The following PLPPR1 variants were observed in gnomAD, a reference collection of about 807,000 sequenced individuals.
PLPPR1 encodes the protein phospholipid phosphatase-related protein type 1.
In PLPPR1, 10 loss-of-function variants were observed where a neutral mutation model predicts 33.1. The observed-to-expected ratio is 0.30, with a 90% CI of 0.19 to 0.51. The LOEUF (loss-of-function observed/expected upper bound fraction) is 0.51. PLPPR1 is among the 20% of genes least tolerant of loss of function. The pLI is 0.97. For missense variants in PLPPR1, 304 were observed against 408.1 expected, an observed-to-expected ratio of 0.74 and a Z score of 2.20; for synonymous variants, 151 against 151.0, an observed-to-expected ratio of 1.00 and a Z score of 0.00.
chr9:101,134,842 C>T (rs912643802), intron 1 of PLPPR1, among the ~76,000 whole-genome samples: 2 of 152,110 alleles, frequency 1.3e-5, no homozygotes, highest in African/African-American at 4.8e-5. Flanking sequence ...TACGGAGCAG[C>T]AGATGAATGA....
At chr9:101,301,996 T>C (rs1218421517) in intron 4 of PLPPR1, among the ~76,000 whole-genome samples, 1 of 152,194 alleles carries the variant, frequency 6.6e-6, no homozygotes, top group African/African-American at 2.4e-5. Flanking sequence ...TGCTTATCCA[T>C]ATGTATGTTA....
intron 2 of PLPPR1, among the ~76,000 whole-genome samples, chr9:101,263,955 G>C (rs531925018): frequency 6.6e-6 from 1 of 151,864 alleles, no homozygotes; most frequent in East Asian, 1.9e-4. Flanking sequence ...TCTTGTGTCT[G>C]TTGTATATGG....
chr9:101,280,535 C>T lies in PLPPR1; in HGVS notation c.253-5569C>T, dbSNP rs953061482. On this transcript the variant is annotated intron_variant, in intron 3 of 7. Transcript: ENST00000374874. ...CCCTAATGAACATGGTTGCAAAAAT[C>T]TTCAACAGAATACTAGCAACAACAC... is the stretch of plus-strand genomic sequence containing the variant. 9.2e-5 allele frequency among the ~76,000 whole-genome samples: 14 copies of T among 152,036 alleles called. No homozygotes were observed. The South Asian group carries it at 2.9e-3, about 31-fold the overall frequency.
chr9:101,215,823 AT>A (rs71308221), intron 2 of PLPPR1, among the ~76,000 whole-genome samples: 4 of 151,624 alleles, frequency 2.6e-5, no homozygotes, highest in South Asian at 2.1e-4. Context: ...ACAGGATTTT[AT>A]TTTTTTTATT....
intron 1 of PLPPR1, among the ~76,000 whole-genome samples, chr9:101,041,222 C>T (rs1049015291): frequency 7.9e-5 from 12 of 152,184 alleles, no homozygotes; most frequent in Non-Finnish European, 1.8e-4. Context: ...GACCTTCCAA[C>T]ATTAAAGCTT....
chr9:101,252,042 T>A (rs1225946694), intron 2 of PLPPR1, among the ~76,000 whole-genome samples: 1 of 152,162 alleles, frequency 6.6e-6, no homozygotes, highest in Non-Finnish European at 1.5e-5. Context: ...TATTACAATA[T>A]TCTATAGAAA....
intron 1 of PLPPR1, among the ~76,000 whole-genome samples, chr9:101,069,633 A>G (rs1164427228): frequency 6.6e-6 from 1 of 152,082 alleles, no homozygotes; most frequent in Non-Finnish European, 1.5e-5. Context: ...ATCTGGGTGG[A>G]GTATTGTTGG....
chr9:101,310,037 C>G (rs866006741), intron 5 of PLPPR1, among the ~76,000 whole-genome samples: 1 of 152,138 alleles, frequency 6.6e-6, no homozygotes, highest in African/African-American at 2.4e-5. Context: ...TTCTCATTGT[C>G]CCCCAGATCG....
chr9:101,182,939 G>A (rs182875064), intron 1 of PLPPR1, among the ~76,000 whole-genome samples: 2 of 151,640 alleles, frequency 1.3e-5, no homozygotes, highest in East Asian at 1.9e-4. Context: ...AAACCACAAT[G>A]AGATATCATT....
Position 101,286,084 on chromosome 9 carries a change from C to G in PLPPR1, c.253-20C>G. On this transcript the variant is annotated intron_variant, in intron 3 of 7. Transcript: ENST00000374874. ...CAAACAGATCTCCAACTTGACATTT[C>G]TTAAACATTCCTTCCCTAGATTTTT... 1 of 1,605,926 alleles carries G rather than the reference C, an allele frequency of 6.2e-7. No individual in the cohort carries two copies. The highest frequency in any genetic ancestry group is 8.5e-7 in the Non-Finnish European group (1 of 1,174,690).
At chr9:101,215,065 G>A (rs900176793) in intron 2 of PLPPR1, among the ~76,000 whole-genome samples, 1 of 150,718 alleles carries the variant, frequency 6.6e-6, no homozygotes, top group Non-Finnish European at 1.5e-5. Flanking sequence ...AAGCTAAAGG[G>A]ACCAGATAAA....
At chr9:101,154,974 G>T (rs1588050596) in intron 1 of PLPPR1, among the ~76,000 whole-genome samples, 5 of 106,752 alleles carry the variant, frequency 4.7e-5, no homozygotes, top group South Asian at 4.2e-4. Flanking sequence ...GGTGGGGGGA[G>T]GGGGGAGGGA....
intron 2 of PLPPR1, among the ~76,000 whole-genome samples, chr9:101,252,967 T>G (rs532545340): frequency 6.6e-6 from 1 of 152,228 alleles, no homozygotes; most frequent in African/African-American, 2.4e-5. Flanking sequence ...ATTTAAAAAC[T>G]CATGATGAGA....
chr9:101,128,913 G>A (rs1028531791), intron 1 of PLPPR1, among the ~76,000 whole-genome samples: 16 of 151,994 alleles, frequency 1.1e-4, no homozygotes, highest in East Asian at 3.9e-4. Context: ...CTCAAAGTTG[G>A]TACAAAGCTG....
intron 2 of PLPPR1, among the ~76,000 whole-genome samples, chr9:101,207,330 A>G (rs1043328602): frequency 3.3e-5 from 5 of 152,206 alleles, no homozygotes; most frequent in African/African-American, 4.8e-5. Context: ...TACCTGCAGT[A>G]TTATTATTGC....
intron 4 of PLPPR1, among the ~76,000 whole-genome samples, chr9:101,302,532 C>G (rs1828772723): frequency 6.6e-6 from 1 of 152,108 alleles, no homozygotes; most frequent in South Asian, 2.1e-4. Flanking sequence ...ACTGGGGATC[C>G]TGATGTGGAA....
At chr9:101,311,454 C>T (rs1358058863) in intron 5 of PLPPR1, among the ~76,000 whole-genome samples, 2 of 152,150 alleles carry the variant, frequency 1.3e-5, no homozygotes, top group Admixed American at 1.3e-4. Context: ...ACCAACTAAC[C>T]ATAGGCTCAT....
chr9:101,242,021 G>A (rs1827480492), intron 2 of PLPPR1, among the ~76,000 whole-genome samples: 1 of 152,050 alleles, frequency 6.6e-6, no homozygotes, highest in African/African-American at 2.4e-5. Flanking sequence ...TCATGTGGCT[G>A]CAATTATCTA....
intron 1 of PLPPR1, among the ~76,000 whole-genome samples, chr9:101,136,135 C>T (rs1831374870): frequency 6.6e-6 from 1 of 152,198 alleles, no homozygotes; most frequent in South Asian, 2.1e-4. Context: ...CCTCCTCCTC[C>T]TCTTCTTCCC....
Sources: gnomAD v4.1 joint callset for allele counts (sites outside exome capture counted in the v4.1 genomes callset) on GRCh38, gnomAD v4.1.1 for gene constraint, MANE v1.5 for transcripts, NCBI Gene and HGNC (gene_info 2026-07-23, HGNC 2026-07-21) for gene names.